The following COL11A1 variants were observed in gnomAD, a reference collection of about 807,000 sequenced individuals.
The protein encoded by COL11A1 is collagen type XI alpha 1 chain, also known as collagen alpha-1(XI) chain.
A neutral mutation model predicts 265.2 loss-of-function variants in COL11A1; 74 were observed. That is an observed-to-expected ratio of 0.28 (90% CI 0.23 to 0.34). COL11A1 has a LOEUF of 0.34. Ranked by LOEUF, COL11A1 falls within the 10% of genes least tolerant of loss-of-function variation. The pLI is 1.00. For synonymous variants in COL11A1, 816 were observed against 727.6 expected (o/e 1.12, Z -1.96); for missense variants, 2,165 against 2,263.6 (o/e 0.96, Z 0.88).
At chr1:102,889,989 T>C (rs1170628034) in intron 58 of COL11A1, among the ~76,000 whole-genome samples, 2 of 152,130 alleles carry the variant, frequency 1.3e-5, no homozygotes, top group Non-Finnish European at 2.9e-5. Context: ...TTTGAAGATT[T>C]AAAAATAATC....
Position 102,879,673 on chromosome 1 carries a change from T to G in COL11A1, c.5274+10A>C. ...CTCTGTGAAGGGAGACAAGCAGAAC[T>G]TATACTCACCGCACAACCATCATAC... On this transcript the variant is annotated intron_variant, in intron 66 of 66. Transcript: ENST00000370096. The G allele has an allele frequency of 6.2e-7, 1 of 1,610,340 alleles. No homozygotes were observed. The highest frequency in any genetic ancestry group is 8.5e-7 in the Non-Finnish European group (1 of 1,177,208).
chr1:102,991,829 C>T (rs947546853), intron 28 of COL11A1, among the ~76,000 whole-genome samples: 1 of 95,890 alleles, frequency 1.0e-5, no homozygotes, highest in Non-Finnish European at 2.3e-5. Flanking sequence ...TCTAGCATGC[C>T]AGGAATTTTT....
intron 54 of COL11A1, among the ~76,000 whole-genome samples, chr1:102,908,048 T>C (rs1654199717): frequency 6.6e-6 from 1 of 152,122 alleles, no homozygotes; most frequent in Admixed American, 6.6e-5. Context: ...TCACTGTTTT[T>C]TGAAAACATT....
At chr1:103,001,749 A>C in intron 24 of COL11A1, 176 bp downstream of exon 24, 1 of 639,518 alleles carries the variant, frequency 1.6e-6, no homozygotes, top group Non-Finnish European at 2.8e-6. Context: ...TCTCAGTTTA[A>C]GAACACATGA....
chr1:103,002,521 T>G, intron 22 of COL11A1, 40 bp from the exon 23 acceptor site: 1 of 1,516,700 alleles, frequency 6.6e-7, no homozygotes, highest in Admixed American at 1.8e-5. Flanking sequence ...ATGGGCTATA[T>G]TACACAATAG....
At chr1:103,056,633 G>T (rs1254710715) in intron 4 of COL11A1, among the ~76,000 whole-genome samples, 1 of 152,056 alleles carries the variant, frequency 6.6e-6, no homozygotes, top group Non-Finnish European at 1.5e-5. Context: ...CTTAAAAAAA[G>T]CATGCCCTCA....
At chr1:102,973,788 A>G (rs1244226368) in intron 36 of COL11A1, among the ~76,000 whole-genome samples, 1 of 152,246 alleles carries the variant, frequency 6.6e-6, no homozygotes, top group African/African-American at 2.4e-5. Context: ...TAATAATGCA[A>G]AACTCTTCAG....
intron 4 of COL11A1, among the ~76,000 whole-genome samples, chr1:103,044,580 C>G (rs1014695822): frequency 6.6e-6 from 1 of 152,092 alleles, no homozygotes; most frequent in Non-Finnish European, 1.5e-5. Flanking sequence ...TAAAGCATAA[C>G]TACCAATATG....
intron 5 of COL11A1, among the ~76,000 whole-genome samples, chr1:103,028,038 T>C (rs1667687089): frequency 6.6e-6 from 1 of 152,024 alleles, no homozygotes; most frequent in Non-Finnish European, 1.5e-5. Flanking sequence ...TTTTGTTTTG[T>C]TTTGTTTTTG....
intron 62 of COL11A1, among the ~76,000 whole-genome samples, chr1:102,887,420 CA>C (rs1651131819): frequency 6.6e-6 from 1 of 151,960 alleles, no homozygotes; most frequent in African/African-American, 2.4e-5. Context: ...AGGATTAGAA[CA>C]GCACTTTAAA....
intron 12 of COL11A1, 22 bp downstream of exon 12, chr1:103,015,646 T>C: frequency 1.3e-6 from 2 of 1,557,038 alleles, no homozygotes; most frequent in Non-Finnish European, 1.8e-6. Flanking sequence ...AAGTCATCTC[T>C]ATAACATAAA....
chr1:102,879,428 A>G (rs1649952952), intron 66 of COL11A1, among the ~76,000 whole-genome samples: 1 of 152,186 alleles, frequency 6.6e-6, no homozygotes. Context: ...CAAATGTCAG[A>G]ATAAAATAAC....
intron 57 of COL11A1, among the ~76,000 whole-genome samples, chr1:102,897,254 C>G (rs190180339): frequency 6.6e-6 from 1 of 151,802 alleles, no homozygotes; most frequent in African/African-American, 2.4e-5. Flanking sequence ...ATGTTTCTAT[C>G]TCTGAGATAA....
At chr1:102,971,887 T>G (rs943201416) in intron 36 of COL11A1, among the ~76,000 whole-genome samples, 2 of 152,150 alleles carry the variant, frequency 1.3e-5, no homozygotes, top group Admixed American at 6.5e-5. Context: ...AACTGGAGTG[T>G]TTTTAACCAA....
At chr1:102,935,802 G>C (rs1423446768) in intron 44 of COL11A1, among the ~76,000 whole-genome samples, 1 of 151,858 alleles carries the variant, frequency 6.6e-6, no homozygotes, top group Non-Finnish European at 1.5e-5. Flanking sequence ...CTACTTGTGG[G>C]GGAACTGTTA....
chr1:102,993,255 C>G (rs986777690), intron 28 of COL11A1, among the ~76,000 whole-genome samples: 1 of 152,026 alleles, frequency 6.6e-6, no homozygotes, highest in African/African-American at 2.4e-5. Flanking sequence ...CATGTTAAAC[C>G]CTACCTGACT....
At chr1:102,992,683 T>A (rs1664254608) in intron 28 of COL11A1, among the ~76,000 whole-genome samples, 1 of 152,074 alleles carries the variant, frequency 6.6e-6, no homozygotes, top group Non-Finnish European at 1.5e-5. Flanking sequence ...TAAATTGTAA[T>A]CTATAATAAA....
chr1:102,888,556 C>G, intron 62 of COL11A1, 21 bp downstream of exon 62: 1 of 1,607,170 alleles, frequency 6.2e-7, no homozygotes, highest in Non-Finnish European at 8.5e-7. Flanking sequence ...CAGAACATCA[C>G]TCTTGTTAAC....
chr1:103,051,196 A>G (rs1255167181), intron 4 of COL11A1, among the ~76,000 whole-genome samples: 1 of 152,200 alleles, frequency 6.6e-6, no homozygotes, highest in East Asian at 1.9e-4. Flanking sequence ...CCCTGCCCCC[A>G]GAGGTGGAGC....
Sources: gnomAD v4.1 joint callset for allele counts (sites outside exome capture counted in the v4.1 genomes callset) on GRCh38, gnomAD v4.1.1 for gene constraint, MANE v1.5 for transcripts, NCBI Gene and HGNC (gene_info 2026-07-23, HGNC 2026-07-21) for gene names.